IGSF6: variants seen among roughly 807,000 people sequenced by gnomAD.
IGSF6 encodes down-regulated by activation (immunoglobulin superfamily).
In IGSF6, 23 loss-of-function variants were observed where a neutral mutation model predicts 24.7. That is an observed-to-expected ratio of 0.93 (90% CI 0.67 to 1.32). The LOEUF is 1.32. IGSF6 is among the 40% of genes most tolerant of loss of function. The pLI is 0.00. For missense variants in IGSF6, 295 were observed against 293.6 expected (o/e 1.00, Z -0.04); for synonymous variants, 110 against 113.7 (o/e 0.97, Z 0.21).
intron 1 of IGSF6, chr16:21,652,204 G>T: frequency 1.6e-5 from 3 of 191,668 alleles, no homozygotes; most frequent in East Asian, 1.2e-4. Context: ...ATCATTTATT[G>T]CTTTCTATGT....
Position 21,647,223 on chromosome 16 carries a change from T to C in IGSF6, c.337A>G (p.Ser113Gly). Residue 113 changes from serine (S) to glycine (G), a missense_variant, in exon 2 of 6, where the codon AGT (serine) becomes GGT (glycine). Transcript: ENST00000268389. ...GCTATTCCACAGATGTAAATTGCACTGTCATTTGAAGTCACTCTGTTTACA... is the reference window on the plus strand; with the variant it reads ...GCTATTCCACAGATGTAAATTGCACCGTCATTTGAAGTCACTCTGTTTACA... ...LTVNRVTSND[S>G]AIYICGIAFP... 6.2e-7 allele frequency: 1 copy of C among 1,614,186 alleles called. No homozygotes were observed. Among genetic ancestry groups the C allele is most frequent in the African/African-American group, 1.3e-5 (1 of 75,050 alleles).
intron 1 of IGSF6, among the ~76,000 whole-genome samples, chr16:21,651,669 CT>C (rs1175217295): frequency 3.3e-5 from 5 of 152,124 alleles, no homozygotes; most frequent in African/African-American, 1.2e-4. Context: ...AGTCAACCCC[CT>C]GCCATCACAT....
At chr16:21,643,504 A>G (rs1408227320) in intron 4 of IGSF6, 44 bp downstream of exon 4, 5 of 1,268,086 alleles carry the variant, frequency 3.9e-6, no homozygotes, top group South Asian at 2.6e-5. Context: ...AATCGTTACA[A>G]CCAGCCACAA....
intron 1 of IGSF6, among the ~76,000 whole-genome samples, chr16:21,649,156 C>A (rs1226709366): frequency 6.6e-6 from 1 of 151,706 alleles, no homozygotes; most frequent in African/African-American, 2.4e-5. Context: ...CTGTGCCCAG[C>A]TAATTTTTGT....
chr16:21,646,274 G>A (rs907216663), intron 2 of IGSF6: 1 of 152,110 alleles, frequency 6.6e-6, no homozygotes, highest in African/African-American at 2.4e-5. Flanking sequence ...ATTGTCATGG[G>A]TTTTATCAAA....
rs754450106 is a variant in IGSF6 at position 21,647,145 on chromosome 16, G to T, written c.415C>A (p.Leu139Met). 6.2e-7 allele frequency: 1 copy of T among 1,614,142 alleles called. No individual in the cohort carries two copies. The highest frequency in any genetic ancestry group is 8.5e-7 in the Non-Finnish European group (1 of 1,180,014). ...CTCGCTGACTGACCTCTTACCACCA[G>T]TGTGGTCCCTCCTCCTGTCTGTTTA... ...RAKQTGGGTT[L>M]VVREIKLLSK... The change falls in exon 2 of 6, where the codon CTG becomes ATG. Residue 139 changes from leucine (L) to methionine (M), a missense_variant. Physicochemically the swap from Leu to Met is conservative, Grantham distance 15 (BLOSUM62 2). Coordinates refer to ENST00000268389, the MANE Select transcript of IGSF6 (RefSeq NM_005849.4).
At chr16:21,645,822 T>C (rs2141616777) in intron 2 of IGSF6, among the ~76,000 whole-genome samples, 1 of 152,364 alleles carries the variant, frequency 6.6e-6, no homozygotes, top group South Asian at 2.1e-4. Context: ...TTATTTGCTA[T>C]ATGCCAGGCA....
chr16:21,649,006 T>C (rs376468749), intron 1 of IGSF6, among the ~76,000 whole-genome samples: 3 of 152,276 alleles, frequency 2.0e-5, no homozygotes, highest in South Asian at 2.1e-4. Context: ...ATTTTTGTTA[T>C]TGTTTTTGGA....
chr16:21,641,613 G>C lies in IGSF6; in HGVS notation c.667-20C>G. On this transcript the variant is annotated intron_variant, in intron 5 of 5. Coordinates refer to ENST00000268389, the MANE Select transcript of IGSF6 (RefSeq NM_005849.4). ...TTTCTCCTGCAATAATAAATAAATA[G>C]AAAGCCATGTTTAAGGTTATGTAAC... 2 of 1,501,036 alleles carry C rather than the reference G, an allele frequency of 1.3e-6. No homozygotes were observed. The highest frequency in any genetic ancestry group is 2.3e-5 in the South Asian group (2 of 87,030). 93.0% of individuals were successfully genotyped at this position (1,501,036 alleles called of 1,614,324 possible).
At chr16:21,651,079 C>T (rs1274460853) in intron 1 of IGSF6, among the ~76,000 whole-genome samples, 3 of 151,976 alleles carry the variant, frequency 2.0e-5, no homozygotes, top group African/African-American at 7.3e-5. Flanking sequence ...AAAAATTAGC[C>T]GGGTGTGGTG....
intron 1 of IGSF6, among the ~76,000 whole-genome samples, chr16:21,648,095 C>A (rs540329724): frequency 6.6e-6 from 1 of 152,156 alleles, no homozygotes; most frequent in African/African-American, 2.4e-5. Flanking sequence ...GGAAATGCAG[C>A]CCTGGCTTAG....
intron 1 of IGSF6, chr16:21,652,249 T>A (rs1354394962): frequency 3.6e-6 from 1 of 275,822 alleles, no homozygotes; most frequent in Non-Finnish European, 6.7e-6. Flanking sequence ...AAATTATTGA[T>A]AACTTATACC....
intron 1 of IGSF6, among the ~76,000 whole-genome samples, chr16:21,648,031 T>C (rs1178989013): frequency 6.6e-6 from 1 of 152,104 alleles, no homozygotes; most frequent in African/African-American, 2.4e-5. Context: ...ATTGTTTCTT[T>C]GTGAGCCTGG....
rs143500893 is a variant in IGSF6 at position 21,641,043 on chromosome 16, G to A, written c.*491C>T. 2,758 of 152,440 alleles carry A rather than the reference G, an allele frequency of 0.018. 41 individuals carry two copies. The highest frequency in any genetic ancestry group is 0.028 in the Non-Finnish European group (1,939 of 68,192). 9.4% of individuals were successfully genotyped at this position (152,440 alleles called of 1,614,324 possible). A position where few individuals can be genotyped will look rare whatever the true frequency, so the allele number is the denominator to read the frequency against. ...TGCATACCCTGGCAGGCAAATGTGC[G>A]TTACCCCACTGCCCCATTACAACAT... On this transcript the variant is annotated 3_prime_UTR_variant, in exon 6 of 6. Coordinates refer to ENST00000268389, the MANE Select transcript of IGSF6 (RefSeq NM_005849.4).
chr16:21,643,130 GA>G lies in IGSF6; in HGVS notation c.609del (p.Gln204ArgfsTer87). The G allele has an allele frequency of 1.9e-6, 3 of 1,607,718 alleles. No individual in the cohort carries two copies. Among genetic ancestry groups the G allele is most frequent in the Non-Finnish European group, 2.5e-6 (3 of 1,177,466 alleles). On this transcript the variant is annotated frameshift_variant, in exon 5 of 6. Coordinates refer to ENST00000268389, the MANE Select transcript of IGSF6 (RefSeq NM_005849.4). LOFTEE classifies it high-confidence loss of function. ...TGGTATAGTTCTTGAGCAATTTCCT[GA>G]AAAATACGCCGAGCACTCTTCTTCT... The part of the protein sequence containing the change: ...SQKKKSARRI[F>X]QEIAQELYHK...
At chr16:21,648,963 C>G (rs1051361159) in intron 1 of IGSF6, among the ~76,000 whole-genome samples, 17 of 151,972 alleles carry the variant, frequency 1.1e-4, no homozygotes, top group African/African-American at 3.6e-4. Context: ...TGATGCGAGT[C>G]TCTTCTCACC....
At chr16:21,652,292 C>T in intron 1 of IGSF6, 1 of 384,950 alleles carries the variant, frequency 2.6e-6, no homozygotes, top group Non-Finnish European at 4.6e-6. Context: ...ACCCTTTGGT[C>T]AGATTGTCTC....
Position 21,646,804 on chromosome 16 carries a change from T to C in IGSF6, c.427+329A>G, listed in dbSNP as rs563330394. The C allele has an allele frequency of 9.1e-5, 32 of 351,610 alleles. No homozygotes were observed. The Admixed American group carries it at 1.2e-3, about 13-fold the overall frequency. 21.8% of individuals were successfully genotyped at this position (351,610 alleles called of 1,614,324 possible). On this transcript the variant is annotated intron_variant, in intron 2 of 5. Coordinates refer to ENST00000268389, the MANE Select transcript of IGSF6 (RefSeq NM_005849.4). ...CCAAGCAGCTGGGACTACAGGTGCA[T>C]GCCACCATGCGCGGCTAATTTTTGT...
At position 21,640,021 on chromosome 16, in the gene IGSF6, C is replaced by G. The variant is rs1174895852; in HGVS notation, c.*1513G>C. 2 of 152,114 alleles carry G rather than the reference C, an allele frequency of 1.3e-5. No homozygotes were observed. The highest frequency in any genetic ancestry group is 4.8e-5 in the African/African-American group (2 of 41,400). 9.4% of individuals were successfully genotyped at this position (152,114 alleles called of 1,614,324 possible). On this transcript the variant is annotated 3_prime_UTR_variant, in exon 6 of 6. Coordinates refer to ENST00000268389, the MANE Select transcript of IGSF6 (RefSeq NM_005849.4). ...TGGCGTGATCTCAGCTCACTGCAAC[C>G]TCCGCATCCTGGGTTCAAGTGATCT...
Sources: allele counts gnomAD v4.1 joint callset (sites outside exome capture counted in the v4.1 genomes callset), GRCh38; gene constraint gnomAD v4.1.1; transcripts MANE v1.5; gene names NCBI Gene and HGNC (gene_info 2026-07-23, HGNC 2026-07-21).